NDUFA12: variants seen among roughly 807,000 people sequenced by gnomAD.
The protein encoded by NDUFA12 is NADH:ubiquinone oxidoreductase subunit A12, also known as NADH dehydrogenase [ubiquinone] 1 alpha subcomplex subunit 12.
In NDUFA12, 17 loss-of-function variants were observed where a neutral mutation model predicts 20.3. The ratio of observed to expected loss-of-function variants is 0.84; its 90% confidence interval spans 0.57 to 1.26. The LOEUF (loss-of-function observed/expected upper bound fraction) is 1.26, where lower values mean the gene tolerates loss of function less well. Among genes scored for constraint, NDUFA12 ranks in the 50% most tolerant of loss-of-function variants. NDUFA12 has a pLI of 0.00. For synonymous variants in NDUFA12, 72 were observed against 63.6 expected (o/e 1.13, Z -0.63); for missense variants, 191 against 183.7 (o/e 1.04, Z -0.23).
chr12:94,998,620 A>C (rs2136072483), intron 2 of NDUFA12, among the ~76,000 whole-genome samples: 1 of 152,338 alleles, frequency 6.6e-6, no homozygotes, highest in African/African-American at 2.4e-5. Context: ...CTGATAAATA[A>C]ATCCAGCAAA....
chr12:95,003,622 A>T lies in NDUFA12; in HGVS notation c.59T>A (p.Leu20His). The change falls in exon 1 of 4, where the codon CTC becomes CAC. Residue 20 changes from leucine to histidine, a missense_variant. Leu to His is a moderately conservative substitution (Grantham distance 99, BLOSUM62 -3). Transcript: ENST00000327772. ...GAAAAAAACCCGTAGATAGCCTCGGAGACCGCCGTGGCCGGTGATCTGCTG... is the reference window on the plus strand; with the variant it reads ...GAAAAAAACCCGTAGATAGCCTCGGTGACCGCCGTGGCCGGTGATCTGCTG... ...GLQQITGHGGLRGYLRVFFRT... is the reference protein window; with the variant it reads ...GLQQITGHGGHRGYLRVFFRT... 1 of 1,614,182 alleles carries T rather than the reference A, an allele frequency of 6.2e-7. No individual in the cohort carries two copies. The highest frequency in any genetic ancestry group is 1.1e-5 in the South Asian group (1 of 91,086).
rs867150488 is a variant in NDUFA12, at chr12:94,998,690, C to A, written c.169+4049G>T. ...TAGCACAGCTATACACCAACAATGACCATGCTGAGAATCAAATCAAGAACT... is the reference window on the plus strand; with the variant it reads ...TAGCACAGCTATACACCAACAATGAACATGCTGAGAATCAAATCAAGAACT... On this transcript the variant is annotated intron_variant, in intron 2 of 3. Transcript: ENST00000327772. 8.5e-5 allele frequency among the ~76,000 whole-genome samples: 13 copies of A among 152,064 alleles called. No homozygotes were observed. In the South Asian group the frequency reaches 2.3e-3, roughly 27 times the overall value.
rs945660407 is a variant in NDUFA12, at chr12:94,971,334, T to G, written c.*106A>C. 1.1e-5 allele frequency: 14 copies of G among 1,295,866 alleles called. No homozygotes were observed. The South Asian group carries it at 1.5e-4, about 14-fold the overall frequency. 80.3% of individuals were successfully genotyped at this position (1,295,866 alleles called of 1,614,324 possible). On this transcript the variant is annotated 3_prime_UTR_variant, in exon 4 of 4. Coordinates refer to ENST00000327772, the MANE Select transcript of NDUFA12 (RefSeq NM_018838.5). ...GGCAAAAAGGCACGAAAGACATTGT[T>G]TAGTCACACAATTTTAATTGTGAAT...
intron 3 of NDUFA12, among the ~76,000 whole-genome samples, chr12:94,985,631 A>AAG (rs1247427992): frequency 6.6e-6 from 1 of 150,608 alleles, no homozygotes; most frequent in African/African-American, 2.4e-5. Context: ...CATCTCAAAA[A>AAG]AAAAAAAAAA....
chr12:94,976,854 A>G (rs1163270792), intron 3 of NDUFA12, among the ~76,000 whole-genome samples: 1 of 152,220 alleles, frequency 6.6e-6, no homozygotes, highest in Non-Finnish European at 1.5e-5. Context: ...CATTCCACAT[A>G]TGGAATTTTC....
chr12:94,995,134 CT>C (rs1224245018), intron 2 of NDUFA12, among the ~76,000 whole-genome samples: 2 of 152,202 alleles, frequency 1.3e-5, no homozygotes, highest in East Asian at 1.9e-4. Context: ...CTATGATGGA[CT>C]TTAAACCAAT....
Position 94,974,207 on chromosome 12 carries a change from A to G in NDUFA12, c.258-2587T>C, listed in dbSNP as rs902854375. ...GGCTGGTCTCGAACTCCTGGCCTCC[A>G]GTGATTTGCCCGCCTCGGCCTCCCA... is the stretch of plus-strand genomic sequence containing the variant. On this transcript the variant is annotated intron_variant, in intron 3 of 3. Coordinates refer to ENST00000327772, the MANE Select transcript of NDUFA12 (RefSeq NM_018838.5). Among the ~76,000 whole-genome samples, 6 of 152,068 alleles carry G rather than the reference A, an allele frequency of 3.9e-5. No individual in the cohort carries two copies. In the South Asian group the frequency reaches 6.2e-4, roughly 16 times the overall value.
intron 3 of NDUFA12, among the ~76,000 whole-genome samples, chr12:94,978,700 T>A (rs1320341126): frequency 1.3e-5 from 2 of 152,196 alleles, no homozygotes; most frequent in Non-Finnish European, 2.9e-5. Flanking sequence ...CAAGAGAAAA[T>A]GATTGTTCCT....
At chr12:94,988,958 G>A (rs971943613) in intron 3 of NDUFA12, among the ~76,000 whole-genome samples, 13 of 152,124 alleles carry the variant, frequency 8.5e-5, no homozygotes, top group South Asian at 8.3e-4. Flanking sequence ...CTCCTACCTC[G>A]TTTCTTAACA....
intron 3 of NDUFA12, among the ~76,000 whole-genome samples, chr12:94,989,779 G>A (rs554236299): frequency 1.3e-5 from 2 of 152,210 alleles, no homozygotes; most frequent in East Asian, 3.9e-4. Context: ...TAGCTTTTCA[G>A]GTTTTTACTA....
At chr12:94,983,916 G>A (rs4923656) in intron 3 of NDUFA12, among the ~76,000 whole-genome samples, 132,045 of 151,886 alleles carry the variant, frequency 0.87, 57,502 homozygotes, top group Admixed American at 0.9. Context: ...TGTGAGGGAG[G>A]GTGTTGCGGT....
intron 3 of NDUFA12, among the ~76,000 whole-genome samples, chr12:94,988,661 G>A (rs11107844): frequency 0.081 from 12,254 of 152,200 alleles, 574 homozygotes; most frequent in East Asian, 0.16. Context: ...AGAGCTGGCC[G>A]AAAGACACAT....
chr12:94,985,760 T>A (rs867221668), intron 3 of NDUFA12, among the ~76,000 whole-genome samples: 22 of 151,480 alleles, frequency 1.5e-4, no homozygotes, highest in African/African-American at 5.3e-4. Context: ...CAGATCAGAC[T>A]GTGCAACATA....
chr12:94,985,593 C>G (rs1269090684), intron 3 of NDUFA12, among the ~76,000 whole-genome samples: 1 of 141,608 alleles, frequency 7.1e-6, no homozygotes, highest in Non-Finnish European at 1.5e-5. Flanking sequence ...CGCCACTGCA[C>G]TCCAGCCTGG....
At chr12:94,998,875 A>G (rs1820461) in intron 2 of NDUFA12, among the ~76,000 whole-genome samples, 61,633 of 152,040 alleles carry the variant, frequency 0.41, 13,084 homozygotes, top group East Asian at 0.58. Context: ...TCATGGATGC[A>G]CATAATCAAT....
In NDUFA12 at chr12:94,995,972, C is replaced by T. The variant is rs556567589; in HGVS notation, c.170-1715G>A. ...TTCTTAATCCCAGGACTCTGGAAGGCTGAGGCAGGGGGATCACTTGAGCTC... is the reference window on the plus strand; with the variant it reads ...TTCTTAATCCCAGGACTCTGGAAGGTTGAGGCAGGGGGATCACTTGAGCTC... On this transcript the variant is annotated intron_variant, in intron 2 of 3. Coordinates refer to ENST00000327772, the MANE Select transcript of NDUFA12 (RefSeq NM_018838.5). Among the ~76,000 whole-genome samples, 3 of 151,580 alleles carry T rather than the reference C, an allele frequency of 2.0e-5. No homozygotes were observed. The East Asian group carries it at 5.9e-4, about 30-fold the overall frequency.
chr12:94,987,780 G>C (rs1166558932), intron 3 of NDUFA12, among the ~76,000 whole-genome samples: 1 of 109,284 alleles, frequency 9.2e-6, no homozygotes, highest in East Asian at 2.7e-4. Flanking sequence ...TGACAGGGCA[G>C]GACATTGTCT....
chr12:94,988,075 G>C (rs1874513604), intron 3 of NDUFA12, among the ~76,000 whole-genome samples: 1 of 152,120 alleles, frequency 6.6e-6, no homozygotes, highest in African/African-American at 2.4e-5. Flanking sequence ...TCTACTCCTT[G>C]TCCAATTCAG....
chr12:94,994,107 G>T, intron 3 of NDUFA12, 63 bp downstream of exon 3: 1 of 1,430,930 alleles, frequency 7.0e-7, no homozygotes, highest in Non-Finnish European at 9.8e-7. Context: ...CTGGGTGACA[G>T]AGTGAGACCC....
Sources: gnomAD v4.1 joint callset for allele counts (sites outside exome capture counted in the v4.1 genomes callset) on GRCh38, gnomAD v4.1.1 for gene constraint, MANE v1.5 for transcripts, NCBI Gene and HGNC (gene_info 2026-07-23, HGNC 2026-07-21) for gene names.